The following TTBK2 variants were observed in gnomAD, a reference collection of about 807,000 sequenced individuals.
TTBK2 encodes tau-tubulin kinase 2.
A neutral mutation model predicts 110.8 loss-of-function variants in TTBK2; 28 were observed. That is an observed-to-expected ratio of 0.25 (90% confidence interval 0.19 to 0.35). The LOEUF is 0.35. TTBK2 is among the 10% of genes least tolerant of loss of function. The pLI is 1.00. For synonymous variants in TTBK2, 532 were observed against 527.3 expected, an observed-to-expected ratio of 1.01 and a Z score of -0.12; for missense variants, 1,369 against 1,500.3, an observed-to-expected ratio of 0.91 and a Z score of 1.45.
chr15:42,910,596 A>T lies in TTBK2; in HGVS notation c.-68+9842T>A, dbSNP rs574652216. On this transcript the variant is annotated intron_variant, in intron 1 of 14. Transcript: ENST00000267890. ...AATTGTCACGAATACAGGGAAGAGA[A>T]AAAAGAAGCATAATGCATAGCTTTG... is the stretch of plus-strand genomic sequence containing the variant. Among the ~76,000 whole-genome samples, 92 of 152,370 alleles carry T rather than the reference A, an allele frequency of 6.0e-4. No individual in the cohort carries two copies. The South Asian group carries it at 0.019, about 31-fold the overall frequency.
At chr15:42,901,529 C>T (rs1378607667) in intron 1 of TTBK2, among the ~76,000 whole-genome samples, 1 of 151,682 alleles carries the variant, frequency 6.6e-6, no homozygotes, top group East Asian at 1.9e-4. Context: ...TGCCTGTAGT[C>T]CCAGCTACTT....
At chr15:42,917,734 C>A (rs1364122528) in intron 1 of TTBK2, among the ~76,000 whole-genome samples, 2 of 150,286 alleles carry the variant, frequency 1.3e-5, no homozygotes, top group African/African-American at 4.9e-5. Flanking sequence ...TATTTAATTT[C>A]AAAAATCCAT....
At chr15:42,796,388 A>T (rs1890941275) in intron 9 of TTBK2, among the ~76,000 whole-genome samples, 1 of 152,162 alleles carries the variant, frequency 6.6e-6, no homozygotes, top group Non-Finnish European at 1.5e-5. Flanking sequence ...TGACAGAGCG[A>T]GACTCGGGTC....
At chr15:42,821,891 C>T (rs1200648898) in intron 6 of TTBK2, among the ~76,000 whole-genome samples, 3 of 151,972 alleles carry the variant, frequency 2.0e-5, no homozygotes, top group African/African-American at 4.8e-5. Context: ...GGAGTTCCAC[C>T]GTGTTAGCCA....
At position 42,746,075 on chromosome 15, in the gene TTBK2, C is replaced by T. The variant is rs2061791300; in HGVS notation, c.3455G>A (p.Ser1152Asn). Residue 1152 changes from serine to asparagine, a missense_variant, in exon 15 of 15, where the codon AGT becomes AAT. Around this residue, in one of 4 missense-constraint regions of TTBK2, gnomAD observed 1,097 missense variants for 1,114.7 expected, o/e 0.98. Transcript: ENST00000267890. ...KSPVVPRRSP[S>N]ASPRSSSLPR... is the part of the protein sequence containing the mutation. ...CAAGGATGAGCTTCGAGGAGAGGCA[C>T]TGGGACTCCTGCGAGGGACAACTGG... 1 of 1,613,948 alleles carries T rather than the reference C, an allele frequency of 6.2e-7. No homozygotes were observed. The highest frequency in any genetic ancestry group is 1.3e-5 in the African/African-American group (1 of 74,878).
intron 12 of TTBK2, 144 bp downstream of exon 12, chr15:42,776,887 G>A: frequency 1.3e-6 from 1 of 759,038 alleles, no homozygotes; most frequent in Non-Finnish European, 2.2e-6. Context: ...AATTGGAGCT[G>A]AATAGACTCA....
At chr15:42,804,030 A>AAAAAAG (rs1555426199) in intron 9 of TTBK2, among the ~76,000 whole-genome samples, 35 of 127,262 alleles carry the variant, frequency 2.8e-4, no homozygotes, top group African/African-American at 3.5e-4. Flanking sequence ...AAAAAAAAAA[A>AAAAAAG]AGAGAGAGAT....
chr15:42,842,312 G>A (rs768324866), intron 3 of TTBK2, among the ~76,000 whole-genome samples: 6 of 152,124 alleles, frequency 3.9e-5, no homozygotes, highest in Admixed American at 6.6e-5. Context: ...CAAGGGAGAA[G>A]AACACTTTAT....
intron 9 of TTBK2, among the ~76,000 whole-genome samples, chr15:42,798,518 G>A (rs997607736): frequency 6.6e-6 from 1 of 152,168 alleles, no homozygotes; most frequent in Non-Finnish European, 1.5e-5. Flanking sequence ...AGAATTTAAA[G>A]TCATTTGACA....
At chr15:42,781,297 T>A (rs996002594) in intron 11 of TTBK2, among the ~76,000 whole-genome samples, 1 of 152,162 alleles carries the variant, frequency 6.6e-6, no homozygotes, top group African/African-American at 2.4e-5. Context: ...TGTATGCACT[T>A]AACTCATGGA....
At chr15:42,751,141 G>A (rs1595875713) in intron 14 of TTBK2, among the ~76,000 whole-genome samples, 1 of 152,102 alleles carries the variant, frequency 6.6e-6, no homozygotes, top group East Asian at 1.9e-4. Context: ...AATAAATAAA[G>A]ATCTTAATAA....
At chr15:42,858,697 A>G (rs1205312506) in intron 3 of TTBK2, among the ~76,000 whole-genome samples, 2 of 152,224 alleles carry the variant, frequency 1.3e-5, no homozygotes, top group Non-Finnish European at 2.9e-5. Flanking sequence ...GGGCAGACAC[A>G]GAGAGTTATG....
chr15:42,912,482 G>A (rs1389368345), intron 1 of TTBK2, among the ~76,000 whole-genome samples: 2 of 152,134 alleles, frequency 1.3e-5, no homozygotes, highest in Admixed American at 6.5e-5. Context: ...CCCAAGGTGG[G>A]TGGATCACCT....
At chr15:42,842,741 AT>A (rs1893274716) in intron 3 of TTBK2, among the ~76,000 whole-genome samples, 1 of 151,066 alleles carries the variant, frequency 6.6e-6, no homozygotes, top group East Asian at 1.9e-4. Context: ...AAAAAGACTC[AT>A]TTTTTTGCAC....
At chr15:42,802,117 T>C in intron 9 of TTBK2, 1 of 1,454,316 alleles carries the variant, frequency 6.9e-7, no homozygotes, top group Non-Finnish European at 9.6e-7. Context: ...AAACTTGTTG[T>C]TGAGGGTCTT....
intron 3 of TTBK2, among the ~76,000 whole-genome samples, chr15:42,866,973 A>G (rs766968918): frequency 7.9e-5 from 12 of 152,176 alleles, no homozygotes; most frequent in Non-Finnish European, 1.6e-4. Flanking sequence ...GGCCGGGCGC[A>G]GTGGCTCACG....
intron 1 of TTBK2, among the ~76,000 whole-genome samples, chr15:42,906,375 AT>A (rs1415877762): frequency 6.6e-6 from 1 of 152,180 alleles, no homozygotes; most frequent in African/African-American, 2.4e-5. Context: ...TACTTATCAA[AT>A]TCATATAAAA....
chr15:42,839,215 T>G (rs1217391536), intron 4 of TTBK2, among the ~76,000 whole-genome samples: 1 of 152,224 alleles, frequency 6.6e-6, no homozygotes, highest in African/African-American at 2.4e-5. Context: ...TTTCTATTCC[T>G]GCATTAATTT....
intron 9 of TTBK2, among the ~76,000 whole-genome samples, chr15:42,810,080 G>A (rs187528402): frequency 3.1e-4 from 47 of 152,232 alleles, no homozygotes; most frequent in African/African-American, 1.1e-3. Context: ...CTGAAATACC[G>A]CTGGTTGGGG....
Sources: allele counts gnomAD v4.1 joint callset (sites outside exome capture counted in the v4.1 genomes callset), GRCh38; gene constraint gnomAD v4.1.1; regional missense constraint gnomAD v4.1.1; transcripts MANE v1.5; gene names NCBI Gene and HGNC (gene_info 2026-07-23, HGNC 2026-07-21).